MAGI2: variants seen among roughly 807,000 people sequenced by gnomAD.
The protein encoded by MAGI2 is membrane-associated guanylate kinase, WW and PDZ domain-containing protein 2.
MAGI2 carries 35 observed loss-of-function variants against 133.3 expected under a neutral mutation model. That is an observed-to-expected ratio of 0.26 (90% confidence interval 0.20 to 0.35). The LOEUF (loss-of-function observed/expected upper bound fraction) is 0.35, where lower values mean the gene tolerates loss of function less well. MAGI2 is among the 10% of genes least tolerant of loss of function. The pLI, the probability that MAGI2 is intolerant of heterozygous loss-of-function variation, is 1.00. For synonymous variants in MAGI2, 729 were observed against 710.6 expected, an observed-to-expected ratio of 1.03 and a Z score of -0.41; for missense variants, 1,636 against 1,863.4, an observed-to-expected ratio of 0.88 and a Z score of 2.25.
At chr7:78,340,631 G>A (rs1040692669) in intron 9 of MAGI2, among the ~76,000 whole-genome samples, 1 of 152,160 alleles carries the variant, frequency 6.6e-6, no homozygotes, top group African/African-American at 2.4e-5. Flanking sequence ...CTTCATTCCT[G>A]GGATGCAAGG....
At chr7:78,440,786 T>C (rs931338547) in intron 6 of MAGI2, among the ~76,000 whole-genome samples, 2 of 151,648 alleles carry the variant, frequency 1.3e-5, no homozygotes, top group South Asian at 4.2e-4. Flanking sequence ...ACCCCGCCTC[T>C]ACTAAAAGAC....
intron 21 of MAGI2, among the ~76,000 whole-genome samples, chr7:78,063,207 G>A (rs1393633959): frequency 6.6e-6 from 1 of 151,256 alleles, no homozygotes; most frequent in Non-Finnish European, 1.5e-5. Context: ...ATAAACCTCA[G>A]ATTCCTTCGC....
chr7:78,465,811 C>T (rs1052208517), intron 6 of MAGI2, among the ~76,000 whole-genome samples: 17 of 152,242 alleles, frequency 1.1e-4, no homozygotes, highest in Middle Eastern at 6.8e-3. Flanking sequence ...AAACCAAATC[C>T]CTTCCTCTTT....
intron 3 of MAGI2, among the ~76,000 whole-genome samples, chr7:78,579,357 C>G (rs1399449555): frequency 6.6e-6 from 1 of 152,132 alleles, no homozygotes; most frequent in Non-Finnish European, 1.5e-5. Context: ...GGATATACCT[C>G]CCCAAAATAT....
At chr7:78,889,991 G>A (rs1374585835) in intron 2 of MAGI2, among the ~76,000 whole-genome samples, 3 of 152,138 alleles carry the variant, frequency 2.0e-5, no homozygotes, top group Non-Finnish European at 2.9e-5. Flanking sequence ...CCCATCTCAC[G>A]TGCAGAGACA....
chr7:78,759,366 G>A (rs76583124), intron 2 of MAGI2, among the ~76,000 whole-genome samples: 12,323 of 152,108 alleles, frequency 0.081, 709 homozygotes, highest in East Asian at 0.24. Flanking sequence ...ATGGCACTAA[G>A]ATGCTTACAT....
At chr7:78,283,456 T>C (rs1405119067) in intron 9 of MAGI2, among the ~76,000 whole-genome samples, 1 of 152,144 alleles carries the variant, frequency 6.6e-6, no homozygotes. Context: ...ACATATCCTT[T>C]ATTAACCTGA....
intron 2 of MAGI2, among the ~76,000 whole-genome samples, chr7:78,893,430 C>T (rs1047630801): frequency 6.6e-5 from 10 of 152,034 alleles, no homozygotes; most frequent in South Asian, 4.2e-4. Context: ...CACAGGCACA[C>T]GTATGTTTAT....
At chr7:79,169,251 T>C (rs920609184) in intron 1 of MAGI2, among the ~76,000 whole-genome samples, 1 of 152,076 alleles carries the variant, frequency 6.6e-6, no homozygotes, top group African/African-American at 2.4e-5. Flanking sequence ...TTGGTACTCA[T>C]TAAATATCTT....
chr7:78,388,937 G>T (rs1795652584), intron 6 of MAGI2, among the ~76,000 whole-genome samples: 1 of 152,060 alleles, frequency 6.6e-6, no homozygotes, highest in Non-Finnish European at 1.5e-5. Flanking sequence ...CATTCTCCTT[G>T]ATCAGGTGAC....
At chr7:78,296,408 T>C (rs1242477197) in intron 9 of MAGI2, among the ~76,000 whole-genome samples, 1 of 152,218 alleles carries the variant, frequency 6.6e-6, no homozygotes, top group Non-Finnish European at 1.5e-5. Flanking sequence ...CTTTTAGGTC[T>C]CTGATCAAAT....
At chr7:78,125,906 CTG>C (rs1820931323) in intron 19 of MAGI2, 69 bp from the exon 20 acceptor site, 9 of 1,434,336 alleles carry the variant, frequency 6.3e-6, no homozygotes, top group Non-Finnish European at 8.7e-6. Context: ...TGGCTAGTCT[CTG>C]TGTTCTCCTT....
chr7:78,529,901 C>CAAA (rs1302169694), intron 3 of MAGI2, among the ~76,000 whole-genome samples: 3 of 150,928 alleles, frequency 2.0e-5, no homozygotes, highest in Admixed American at 6.6e-5. Context: ...CCAATATATC[C>CAAA]AAAATATTTT....
chr7:78,995,161 A>G (rs747476650), intron 2 of MAGI2, among the ~76,000 whole-genome samples: 16 of 151,926 alleles, frequency 1.1e-4, no homozygotes, highest in Non-Finnish European at 2.2e-4. Flanking sequence ...AACACTAACA[A>G]AAGCTGATGA....
chr7:79,273,515 T>C (rs1476425200), intron 1 of MAGI2, among the ~76,000 whole-genome samples: 1 of 152,132 alleles, frequency 6.6e-6, no homozygotes, highest in Non-Finnish European at 1.5e-5. Context: ...AAAAATTGAA[T>C]GGTTGCAAAG....
At chr7:79,049,904 A>C (rs912491848) in intron 1 of MAGI2, among the ~76,000 whole-genome samples, 1 of 152,068 alleles carries the variant, frequency 6.6e-6, no homozygotes, top group Admixed American at 6.5e-5. Context: ...TTTTATACAC[A>C]CTAAATACAC....
At chr7:78,696,416 T>A (rs1179905586) in intron 2 of MAGI2, among the ~76,000 whole-genome samples, 1 of 152,238 alleles carries the variant, frequency 6.6e-6, no homozygotes, top group Non-Finnish European at 1.5e-5. Flanking sequence ...TATCCTTGGC[T>A]GTGCTATCAA....
chr7:78,982,769 C>G (rs1804904107), intron 2 of MAGI2, among the ~76,000 whole-genome samples: 1 of 151,692 alleles, frequency 6.6e-6, no homozygotes, highest in African/African-American at 2.4e-5. Flanking sequence ...TACTACTACA[C>G]CAACTTATTT....
chr7:79,173,860 A>C (rs527708761), intron 1 of MAGI2, among the ~76,000 whole-genome samples: 1 of 152,208 alleles, frequency 6.6e-6, no homozygotes, highest in East Asian at 1.9e-4. Context: ...ATATACCAGA[A>C]TATCAGAACT....
Sources: allele counts gnomAD v4.1 joint callset (sites outside exome capture counted in the v4.1 genomes callset), GRCh38; gene constraint gnomAD v4.1.1; transcripts MANE v1.5; gene names NCBI Gene and HGNC (gene_info 2026-07-23, HGNC 2026-07-21).